The following BTNL8 variants were observed in gnomAD, a reference collection of about 807,000 sequenced individuals.
BTNL8 encodes the protein butyrophilin-like protein 8.
A neutral mutation model predicts 36.1 loss-of-function variants in BTNL8; 22 were observed. The observed-to-expected ratio is 0.61, with a 90% confidence interval of 0.44 to 0.87. The LOEUF (loss-of-function observed/expected upper bound fraction) is 0.87, where lower values mean the gene tolerates loss of function less well. Among genes scored for constraint, BTNL8 ranks in the 40% least tolerant of loss-of-function variants. The pLI, the probability that BTNL8 is intolerant of heterozygous loss-of-function variation, is 0.00. For missense variants in BTNL8, 526 were observed against 616.9 expected, an observed-to-expected ratio of 0.85 and a Z score of 1.56; for synonymous variants, 203 against 235.6, an observed-to-expected ratio of 0.86 and a Z score of 1.27.
intron 3 of BTNL8, among the ~76,000 whole-genome samples, chr5:180,929,560 C>A (rs6884554): frequency 0.031 from 4,593 of 150,004 alleles, 152 homozygotes; most frequent in African/African-American, 0.077. Flanking sequence ...AATAGATAGA[C>A]CGTTAGTGAG....
Position 180,935,142 on chromosome 5 carries a change from T to C in BTNL8, c.674-12370T>C, listed in dbSNP as rs1409749981. On this transcript the variant is annotated intron_variant, in intron 3 of 7. Transcript: ENST00000340184. The surrounding 1 kb of genome is among the most constrained non-coding windows in gnomAD (Gnocchi z 4.8). ...AAGGGAGTGCATGCTGATTGGTTCA[T>C]GGATGGCCATGGGTGGCTGGGAAAA... is the stretch of plus-strand genomic sequence containing the variant. Among the ~76,000 whole-genome samples the C allele has an allele frequency of 1.3e-5, 2 of 152,166 alleles. No homozygotes were observed. The highest frequency in any genetic ancestry group is 4.8e-5 in the African/African-American group (2 of 41,432).
At chr5:180,948,004 A>G in intron 4 of BTNL8, 1 of 680,374 alleles carries the variant, frequency 1.5e-6, no homozygotes, top group South Asian at 2.0e-5. Flanking sequence ...TTCAGTCTCA[A>G]TAAGACTTTT....
chr5:180,907,563 T>C (rs1427750072), intron 1 of BTNL8, among the ~76,000 whole-genome samples: 1 of 147,568 alleles, frequency 6.8e-6, no homozygotes. Flanking sequence ...CCGTTGCTGG[T>C]GAGGAACTGC....
intron 2 of BTNL8, among the ~76,000 whole-genome samples, chr5:180,911,110 C>T (rs1479933025): frequency 6.6e-6 from 1 of 152,224 alleles, no homozygotes; most frequent in Admixed American, 6.5e-5. Flanking sequence ...GCAGTTTTGT[C>T]TTACTTCATC....
At chr5:180,908,192 G>T (rs549953049) in intron 1 of BTNL8, among the ~76,000 whole-genome samples, 1 of 152,220 alleles carries the variant, frequency 6.6e-6, no homozygotes, top group African/African-American at 2.4e-5. Context: ...CTCTGAGCCA[G>T]GTGTGGGATA....
intron 3 of BTNL8, among the ~76,000 whole-genome samples, chr5:180,916,604 C>A (rs1310969684): frequency 6.6e-6 from 1 of 152,030 alleles, no homozygotes; most frequent in Non-Finnish European, 1.5e-5. Flanking sequence ...AGAGCTGACT[C>A]AAATAAATAG....
At chr5:180,934,997 T>A (rs1488885884) in intron 3 of BTNL8, among the ~76,000 whole-genome samples, 1 of 152,192 alleles carries the variant, frequency 6.6e-6, no homozygotes. Context: ...TCAGGAGACC[T>A]GAAGTGGGTA....
intron 3 of BTNL8, among the ~76,000 whole-genome samples, chr5:180,915,925 G>T (rs1757606522): frequency 6.6e-6 from 1 of 152,226 alleles, no homozygotes. Context: ...TGCCCACAGA[G>T]CATATACCCA....
At chr5:180,908,980 G>A (rs181173351) in intron 2 of BTNL8, 47 bp downstream of exon 2, 1 of 1,525,904 alleles carries the variant, frequency 6.6e-7, no homozygotes, top group South Asian at 1.3e-5. Context: ...AACCATCCTG[G>A]ACTTTATAAG....
At position 180,950,474 on chromosome 5, in the gene BTNL8, T is replaced by C; in HGVS notation, c.1433T>C (p.Ile478Thr). 1 of 1,463,450 alleles carries C rather than the reference T, an allele frequency of 6.8e-7. No homozygotes were observed. Among genetic ancestry groups the C allele is most frequent in the Non-Finnish European group, 9.4e-7 (1 of 1,059,088 alleles). 90.7% of individuals were successfully genotyped at this position (1,463,450 alleles called of 1,614,324 possible). A position where few individuals can be genotyped will look rare whatever the true frequency, so the allele number is the denominator to read the frequency against. ...KEASWQRASA[I>T]PETSNSESSS... is the part of the protein sequence containing the mutation. ...GCCTCTTGGCAAAGGGCCTCTGCAA[T>C]CCCAGAGACAAGCAACAGTGAGTCC... Residue 478 changes from isoleucine to threonine, a missense_variant, in exon 8 of 8, where the codon ATC (isoleucine) becomes ACC (threonine). Ile to Thr is a moderately conservative substitution (Grantham distance 89, BLOSUM62 -1). Coordinates refer to ENST00000340184, the MANE Select transcript of BTNL8 (RefSeq NM_001040462.3).
At chr5:180,900,244 A>G (rs1322768597) in intron 1 of BTNL8, among the ~76,000 whole-genome samples, 1 of 152,190 alleles carries the variant, frequency 6.6e-6, no homozygotes, top group African/African-American at 2.4e-5. Context: ...CCTGGAAATG[A>G]TCTTGGAGAC....
intron 1 of BTNL8, among the ~76,000 whole-genome samples, chr5:180,901,862 G>C (rs1034266286): frequency 6.6e-6 from 1 of 152,164 alleles, no homozygotes; most frequent in Non-Finnish European, 1.5e-5. Context: ...GAAAATATAA[G>C]TCACACGTGA....
At chr5:180,914,934 A>G (rs1046153384) in intron 3 of BTNL8, among the ~76,000 whole-genome samples, 2 of 152,110 alleles carry the variant, frequency 1.3e-5, no homozygotes, top group Non-Finnish European at 1.5e-5. Flanking sequence ...CTCAGCCCAC[A>G]ATTTTTGCCA....
chr5:180,934,673 T>C (rs536195101), intron 3 of BTNL8, among the ~76,000 whole-genome samples: 20 of 152,304 alleles, frequency 1.3e-4, no homozygotes, highest in Admixed American at 5.2e-4. Context: ...CACCTGTGTC[T>C]GGACGAGGGG....
intron 3 of BTNL8, among the ~76,000 whole-genome samples, chr5:180,926,550 C>T (rs909191795): frequency 3.3e-5 from 5 of 152,152 alleles, no homozygotes; most frequent in Admixed American, 2.0e-4. Context: ...CCCCATGGAG[C>T]CCAGCAAGCT....
intron 3 of BTNL8, among the ~76,000 whole-genome samples, chr5:180,926,592 G>T (rs1758114689): frequency 6.6e-6 from 1 of 152,218 alleles, no homozygotes; most frequent in South Asian, 2.1e-4. Flanking sequence ...CTCACTGGCA[G>T]CAGAGCAGTC....
At chr5:180,932,407 C>G (rs989328260) in intron 3 of BTNL8, among the ~76,000 whole-genome samples, 1 of 152,186 alleles carries the variant, frequency 6.6e-6, no homozygotes, top group Non-Finnish European at 1.5e-5. Flanking sequence ...AGTGCAGTGG[C>G]ACAATCTTGG....
At chr5:180,929,688 C>G (rs1758278070) in intron 3 of BTNL8, among the ~76,000 whole-genome samples, 1 of 152,180 alleles carries the variant, frequency 6.6e-6, no homozygotes, top group South Asian at 2.1e-4. Flanking sequence ...ATAAATCCCT[C>G]TACACAAATA....
At position 180,949,146 on chromosome 5, in the gene BTNL8, C is replaced by T. The variant is rs571174090; in HGVS notation, c.836-93C>T. On this transcript the variant is annotated intron_variant, in intron 6 of 7. Transcript: ENST00000340184. ...GGATCTCTGGAGGGTCCACAACACT[C>T]AAAAAGGGTCCCAATCCTTGGTCTT... is the stretch of plus-strand genomic sequence containing the variant. 109 of 1,404,456 alleles carry T rather than the reference C, an allele frequency of 7.8e-5. 27 individuals are homozygous for T. The highest frequency in any genetic ancestry group is 7.0e-4 in the Admixed American group (35 of 50,198). The allele number at this position is 1,404,456 out of a possible 1,614,324, so 87.0% of individuals were successfully genotyped here. A position where few individuals can be genotyped will look rare whatever the true frequency, so the allele number is the denominator to read the frequency against.
Sources: gnomAD v4.1 joint callset for allele counts (sites outside exome capture counted in the v4.1 genomes callset) on GRCh38, gnomAD v4.1.1 for gene constraint, Gnocchi (gnomAD v3.1) non-coding constraint, MANE v1.5 for transcripts, NCBI Gene and HGNC (gene_info 2026-07-23, HGNC 2026-07-21) for gene names.